The following C7orf25 variants were observed in gnomAD, a reference collection of about 807,000 sequenced individuals.
C7orf25 encodes chromosome 7 open reading frame 25.
A neutral mutation model predicts 25.5 loss-of-function variants in C7orf25; 14 were observed. That is an observed-to-expected ratio of 0.55 (90% CI 0.36 to 0.86). The LOEUF (loss-of-function observed/expected upper bound fraction) is 0.86, where lower values mean the gene tolerates loss of function less well. Ranked by LOEUF, C7orf25 falls within the 40% of genes least tolerant of loss-of-function variation. The pLI, the probability that C7orf25 is intolerant of heterozygous loss-of-function variation, is 0.01. For missense variants in C7orf25, 405 were observed against 493.9 expected, an observed-to-expected ratio of 0.82 and a Z score of 1.71; for synonymous variants, 184 against 179.9, an observed-to-expected ratio of 1.02 and a Z score of -0.18.
Position 42,910,759 on chromosome 7 carries a change from AT to A in C7orf25, c.141del (p.Lys47AsnfsTer6). ...TTCCCAGCTTCTACTTTCTGCAAGA[AT>A]TTTAATTCTGCCTTCAATTTGCTGC... is the stretch of plus-strand genomic sequence containing the variant. ...KLCSKLKAEL[K>X]FLQKVEAGKV... On this transcript the variant is annotated frameshift_variant, in exon 2 of 2. Coordinates refer to ENST00000350427, the MANE Select transcript of C7orf25 (RefSeq NM_001099858.2). LOFTEE classifies it high-confidence loss of function. 6.2e-7 allele frequency: 1 copy of A among 1,614,194 alleles called. No homozygotes were observed.
intron 1 of C7orf25, chr7:42,911,483 C>T (rs894063478): frequency 1.0e-6 from 1 of 1,002,502 alleles, no homozygotes; most frequent in African/African-American, 1.7e-5. Flanking sequence ...AAAAAATCAA[C>T]ACTGCCTCAT....
chr7:42,910,297 G>C lies in C7orf25; in HGVS notation c.604C>G (p.Pro202Ala). 6.2e-7 allele frequency: 1 copy of C among 1,614,088 alleles called. No individual in the cohort carries two copies. Among genetic ancestry groups the C allele is most frequent in the Non-Finnish European group, 8.5e-7 (1 of 1,180,028 alleles). ...CTCTCACTTGGTTGAAGCTCTTCAGGGTGATCTAACAGAGCGTTGACTGCT... is the reference window on the plus strand; with the variant it reads ...CTCTCACTTGGTTGAAGCTCTTCAGCGTGATCTAACAGAGCGTTGACTGCT... ...IVAVNALLDH[P>A]EELQPSESES... The change falls in exon 2 of 2, where the codon CCT becomes GCT. Residue 202 changes from proline (P) to alanine (A), a missense_variant. Transcript: ENST00000350427.
At chr7:42,911,195 T>C (rs1785886057) in intron 1 of C7orf25, 9 of 649,878 alleles carry the variant, frequency 1.4e-5, no homozygotes, top group Non-Finnish European at 2.3e-5. Flanking sequence ...AGCATGGTCC[T>C]AGGTTAGGAT....
At position 42,909,896 on chromosome 7, in the gene C7orf25, A is replaced by G. The variant is rs751897081; in HGVS notation, c.1005T>C (p.Asn335=). 1 of 1,614,074 alleles carries G rather than the reference A, an allele frequency of 6.2e-7. No individual in the cohort carries two copies. The highest frequency in any genetic ancestry group is 8.5e-7 in the Non-Finnish European group (1 of 1,180,048). The change falls in exon 2 of 2, where the codon AAT becomes AAC. Residue 335 remains asparagine, a synonymous_variant. Coordinates refer to ENST00000350427, the MANE Select transcript of C7orf25 (RefSeq NM_001099858.2). ...ERATVLIKRI[N]VVPDQPSERA... is the part of the protein sequence containing the mutation. ...GCTCAGAAGGCTGGTCTGGTACCAC[A>G]TTAATTCGCTTAATTAACACAGTGG...
chr7:42,911,937 G>GCGAGCACGCAGGCGCGTGCA lies in C7orf25; in HGVS notation c.-64_-45dup. On this transcript the variant is annotated 5_prime_UTR_variant, in exon 1 of 2. Transcript: ENST00000350427. ...CACCGGCAGCGCCAGAACCGCGAGCGCGAGCACGCAGGCGCGTGCACGCAG... is the reference window on the plus strand; with the variant it reads ...CACCGGCAGCGCCAGAACCGCGAGCGCGAGCACGCAGGCGCGTGCACGAGCACGCAGGCGCGTGCACGCAG... 1.4e-6 allele frequency: 2 copies of GCGAGCACGCAGGCGCGTGCA among 1,481,198 alleles called. No individual in the cohort carries two copies. The highest frequency in any genetic ancestry group is 1.8e-6 in the Non-Finnish European group (2 of 1,123,388). 91.8% of individuals were successfully genotyped at this position (1,481,198 alleles called of 1,614,324 possible).
At chr7:42,911,021 G>T (rs1388772489) in intron 1 of C7orf25, 100 bp from the exon 2 acceptor site, 3 of 1,573,776 alleles carry the variant, frequency 1.9e-6, no homozygotes, top group Non-Finnish European at 2.6e-6. Flanking sequence ...CACAGCTTAT[G>T]GAGGGTGAGT....
At chr7:42,911,864 A>G in intron 1 of C7orf25, 51 bp downstream of exon 1, 2 of 1,391,654 alleles carry the variant, frequency 1.4e-6, no homozygotes, top group Non-Finnish European at 1.9e-6. Context: ...CTCTGGCCTC[A>G]GAAGAGGCGC....
rs755888410 is a variant in C7orf25 at position 42,910,402 on chromosome 7, AGAT to A, written c.496_498del (p.Ile166del). ...CTGGAGACACTGTTGTAAAATGCAA[AGAT>A]GATGTGAGGGTTGCTATACTGCACT... On this transcript the variant is annotated inframe_deletion, in exon 2 of 2. Transcript: ENST00000350427. The A allele has an allele frequency of 6.2e-7, 1 of 1,614,208 alleles. No individual in the cohort carries two copies. Among genetic ancestry groups the A allele is most frequent in the Non-Finnish European group, 8.5e-7 (1 of 1,180,042 alleles).
intron 1 of C7orf25, chr7:42,911,629 T>C (rs1206688845): frequency 3.7e-6 from 4 of 1,081,932 alleles, no homozygotes; most frequent in Non-Finnish European, 4.5e-6. Flanking sequence ...GCGGCGGCCG[T>C]GCAAGCGGCC....
Position 42,909,449 on chromosome 7 carries a change from CTTCTCTCTTGTGCTTT to C in C7orf25, c.*170_*185del. 1 of 601,546 alleles carries C rather than the reference CTTCTCTCTTGTGCTTT, an allele frequency of 1.7e-6. No individual in the cohort carries two copies. The highest frequency in any genetic ancestry group is 2.8e-6 in the Non-Finnish European group (1 of 358,598). 37.3% of individuals were successfully genotyped at this position (601,546 alleles called of 1,614,324 possible). On this transcript the variant is annotated 3_prime_UTR_variant, in exon 2 of 2. Coordinates refer to ENST00000350427, the MANE Select transcript of C7orf25 (RefSeq NM_001099858.2). ...TAATGCAGACAGTTTGATAGATAAG[CTTCTCTCTTGTGCTTT>C]TTCTACTTTGGGAGGTTATATACTT...
intron 1 of C7orf25, chr7:42,911,620 C>G: frequency 9.3e-7 from 1 of 1,069,572 alleles, no homozygotes; most frequent in African/African-American, 1.7e-5. Flanking sequence ...CTGCAACCCG[C>G]GGCGGCCGTG....
Position 42,910,010 on chromosome 7 carries a change from C to T in C7orf25, c.891G>A (p.Lys297=). The T allele has an allele frequency of 2.5e-6, 4 of 1,614,150 alleles. No homozygotes were observed. Among genetic ancestry groups the T allele is most frequent in the Non-Finnish European group, 3.4e-6 (4 of 1,180,042 alleles). Residue 297 remains lysine, a synonymous_variant, in exon 2 of 2, where the codon AAG becomes AAA. Transcript: ENST00000350427. The part of the protein sequence containing the change: ...QVLPQLEAFM[K]DKELFACESA... ...ATTCACAAGCAAACAACTCCTTGTC[C>T]TTCATAAAGGCCTCCAGCTGAGGTA...
At position 42,912,003 on chromosome 7, in the gene C7orf25, A is replaced by C. The variant is rs1212758643; in HGVS notation, c.-110T>G. Reference sequence around the variant, plus strand: ...GGGAAATCTCAACCGGGCAGCCCCCACCCCGCTCGAACGCCGAGGCGGCTC... The same window carrying C: ...GGGAAATCTCAACCGGGCAGCCCCCCCCCCGCTCGAACGCCGAGGCGGCTC... On this transcript the variant is annotated 5_prime_UTR_variant, in exon 1 of 2. Coordinates refer to ENST00000350427, the MANE Select transcript of C7orf25 (RefSeq NM_001099858.2). The C allele has an allele frequency of 6.7e-7, 1 of 1,487,010 alleles. No individual in the cohort carries two copies. Among genetic ancestry groups the C allele is most frequent in the Non-Finnish European group, 8.9e-7 (1 of 1,126,410 alleles). 92.1% of individuals were successfully genotyped at this position (1,487,010 alleles called of 1,614,324 possible).
Position 42,911,941 on chromosome 7 carries a change from G to A in C7orf25, c.-48C>T. On this transcript the variant is annotated 5_prime_UTR_variant, in exon 1 of 2. Coordinates refer to ENST00000350427, the MANE Select transcript of C7orf25 (RefSeq NM_001099858.2). ...GGCAGCGCCAGAACCGCGAGCGCGA[G>A]CACGCAGGCGCGTGCACGCAGAGGC... 5 of 1,482,098 alleles carry A rather than the reference G, an allele frequency of 3.4e-6. No individual in the cohort carries two copies. The South Asian group carries it at 3.8e-5, about 11-fold the overall frequency. The allele number at this position is 1,482,098 out of a possible 1,614,324, so 91.8% of individuals were successfully genotyped here.
intron 1 of C7orf25, 45 bp from the exon 2 acceptor site, chr7:42,910,966 T>C: frequency 3.7e-6 from 6 of 1,603,498 alleles, no homozygotes; most frequent in Non-Finnish European, 4.2e-6. Flanking sequence ...CCTAAAATTA[T>C]GACAATCAAT....
chr7:42,910,281 G>C lies in C7orf25; in HGVS notation c.620C>G (p.Pro207Arg). The C allele has an allele frequency of 1.2e-6, 2 of 1,614,124 alleles. No individual in the cohort carries two copies. Among genetic ancestry groups the C allele is most frequent in the Non-Finnish European group, 1.7e-6 (2 of 1,180,030 alleles). The change falls in exon 2 of 2, where the codon CCA becomes CGA. Residue 207 changes from proline to arginine, a missense_variant. By Grantham distance (103) the Pro-to-Arg change is moderately radical. Transcript: ENST00000350427. Reference sequence around the variant, plus strand: ...CTCATCATCTGATTCACTCTCACTTGGTTGAAGCTCTTCAGGGTGATCTAA... The same window carrying C: ...CTCATCATCTGATTCACTCTCACTTCGTTGAAGCTCTTCAGGGTGATCTAA... ...ALLDHPEELQPSESESDDEGP... is the reference protein window; with the variant it reads ...ALLDHPEELQRSESESDDEGP...
intron 1 of C7orf25, 139 bp downstream of exon 1, chr7:42,911,776 C>T: frequency 8.0e-7 from 1 of 1,243,076 alleles, no homozygotes; most frequent in African/African-American, 1.6e-5. Context: ...CCCCCACCGC[C>T]AGCGCCGCGG....
Position 42,910,072 on chromosome 7 carries a change from T to C in C7orf25, c.829A>G (p.Thr277Ala), listed in dbSNP as rs756285928. The stretch of plus-strand genomic sequence containing the variant: ...TTCCTCTCTTGCTCTGCTTGTTCTG[T>C]GAGCACTTTCTCTTTGAAAATAAAG... ...CHFIFKEKVL[T>A]EQAEQERKEQ... The change falls in exon 2 of 2, where the codon ACA becomes GCA. Residue 277 changes from threonine to alanine, a missense_variant. Physicochemically the swap from Thr to Ala is moderately conservative, Grantham distance 58. Transcript: ENST00000350427. The C allele has an allele frequency of 1.2e-6, 2 of 1,614,178 alleles. No individual in the cohort carries two copies. The highest frequency in any genetic ancestry group is 1.7e-6 in the Non-Finnish European group (2 of 1,180,040).
Position 42,911,996 on chromosome 7 carries a change from AG to A in C7orf25, c.-104del. Reference sequence around the variant, plus strand: ...ACCCGCCGGGAAATCTCAACCGGGCAGCCCCCACCCCGCTCGAACGCCGAGG... The same window carrying A: ...ACCCGCCGGGAAATCTCAACCGGGCACCCCCACCCCGCTCGAACGCCGAGG... On this transcript the variant is annotated 5_prime_UTR_variant, in exon 1 of 2. An upstream open reading frame in the 5' UTR gains an earlier in-frame stop. Transcript: ENST00000350427. 6.7e-7 allele frequency: 1 copy of A among 1,493,600 alleles called. No individual in the cohort carries two copies. Among genetic ancestry groups the A allele is most frequent in the Non-Finnish European group, 8.9e-7 (1 of 1,129,594 alleles). The allele number at this position is 1,493,600 out of a possible 1,614,324, so 92.5% of individuals were successfully genotyped here.
Sources: gnomAD v4.1 joint callset for allele counts on GRCh38, gnomAD v4.1.1 for gene constraint, MANE v1.5 for transcripts, NCBI Gene and HGNC (gene_info 2026-07-23, HGNC 2026-07-21) for gene names.